The following ATXN7 variants were observed in gnomAD, a reference collection of about 807,000 sequenced individuals.
ATXN7 encodes the protein ataxin-7.
In ATXN7, 12 loss-of-function variants were observed where a neutral mutation model predicts 70.5. The ratio of observed to expected loss-of-function variants is 0.17; its 90% CI spans 0.11 to 0.28. ATXN7 has a LOEUF of 0.28. ATXN7 is among the 10% of genes least tolerant of loss of function. ATXN7 has a pLI of 1.00. For missense variants in ATXN7, 1,256 were observed against 1,131.7 expected (o/e 1.11, Z -1.58); for synonymous variants, 498 against 448.7 (o/e 1.11, Z -1.39).
chr3:63,870,828 T>C (rs1702570889), intron 1 of ATXN7, among the ~76,000 whole-genome samples: 1 of 152,168 alleles, frequency 6.6e-6, no homozygotes, highest in East Asian at 1.9e-4. Flanking sequence ...CTGCATGATA[T>C]GTTTGGCTTT....
chr3:63,971,672 T>C lies in ATXN7; in HGVS notation c.500-8243T>C, dbSNP rs574885131. ...TTTAATATTCGTGAGAAAAAATATA[T>C]ACATATATATATAAAAAACTCCTAC... On this transcript the variant is annotated intron_variant, in intron 5 of 12. Transcript: ENST00000674280. Among the ~76,000 whole-genome samples the C allele has an allele frequency of 5.3e-5, 8 of 152,260 alleles. No homozygotes were observed. In the South Asian group the frequency reaches 1.7e-3, roughly 32 times the overall value.
At chr3:63,991,789 A>G (rs1156403954) in intron 11 of ATXN7, among the ~76,000 whole-genome samples, 1 of 151,896 alleles carries the variant, frequency 6.6e-6, no homozygotes, top group Non-Finnish European at 1.5e-5. Context: ...GAAGAGTTCC[A>G]TGGCCAAAAA....
At chr3:63,913,084 G>T (rs1404429577) in intron 3 of ATXN7, 73 bp from the exon 4 acceptor site, 6 of 1,523,738 alleles carry the variant, frequency 3.9e-6, no homozygotes, top group East Asian at 2.3e-5. Context: ...TACCCCGTGC[G>T]TGCGTGAGTG....
chr3:63,929,025 A>C (rs1490499361), intron 4 of ATXN7, among the ~76,000 whole-genome samples: 2 of 152,184 alleles, frequency 1.3e-5, no homozygotes, highest in African/African-American at 4.8e-5. Context: ...TCTGTAGGGT[A>C]TATAGTTTGT....
intron 5 of ATXN7, among the ~76,000 whole-genome samples, chr3:63,961,704 T>A (rs559757420): frequency 7.2e-5 from 11 of 151,860 alleles, no homozygotes; most frequent in Admixed American, 2.0e-4. Flanking sequence ...CAGTTGGAAA[T>A]TTTTTTTAAA....
chr3:63,961,789 C>G (rs2075137035), intron 5 of ATXN7, among the ~76,000 whole-genome samples: 2 of 152,048 alleles, frequency 1.3e-5, no homozygotes, highest in African/African-American at 4.8e-5. Flanking sequence ...CAGTGTCACT[C>G]TTGACTTGCC....
intron 4 of ATXN7, among the ~76,000 whole-genome samples, chr3:63,914,836 CT>C (rs1445720436): frequency 6.6e-6 from 1 of 152,162 alleles, no homozygotes; most frequent in Non-Finnish European, 1.5e-5. Flanking sequence ...TGTTGGGATA[CT>C]TTTATCAGCA....
chr3:63,921,358 C>G (rs1448791909), intron 4 of ATXN7, among the ~76,000 whole-genome samples: 1 of 152,154 alleles, frequency 6.6e-6, no homozygotes, highest in African/African-American at 2.4e-5. Flanking sequence ...GGTCCCCAGG[C>G]TTTATATTTC....
At chr3:63,900,567 G>A (rs1703599206) in intron 2 of ATXN7, 1 of 152,296 alleles carries the variant, frequency 6.6e-6, no homozygotes, top group South Asian at 2.1e-4. Context: ...AGGTGCCAGA[G>A]AAGAGAGAAA....
chr3:63,982,397 C>A lies in ATXN7; in HGVS notation c.964C>A (p.Pro322Thr). 1.2e-6 allele frequency: 2 copies of A among 1,613,174 alleles called. No individual in the cohort carries two copies. Among genetic ancestry groups the A allele is most frequent in the South Asian group, 2.2e-5 (2 of 91,032 alleles). ...TGCACCGCCCACTCTGGAAAAGAAA[C>A]CTGAAGACAATTCCAATAATAGGAA... ...LPAPPTLEKK[P>T]EDNSNNRKFL... is the part of the protein sequence containing the mutation. Residue 322 changes from proline (P) to threonine (T), a missense_variant, in exon 7 of 13, where the codon CCT (proline) becomes ACT (threonine). Physicochemically the swap from Pro to Thr is conservative, Grantham distance 38. Coordinates refer to ENST00000674280, the MANE Select transcript of ATXN7 (RefSeq NM_001377405.1).
chr3:63,970,857 G>A (rs2075300672), intron 5 of ATXN7, among the ~76,000 whole-genome samples: 2 of 152,154 alleles, frequency 1.3e-5, no homozygotes, highest in South Asian at 2.1e-4. Flanking sequence ...CAGAGACGTG[G>A]AAATGCCAGG....
intron 4 of ATXN7, among the ~76,000 whole-genome samples, chr3:63,930,823 C>T (rs1214160351): frequency 6.6e-6 from 1 of 152,074 alleles, no homozygotes; most frequent in Non-Finnish European, 1.5e-5. Context: ...AGCCACCGCA[C>T]CCGGCAAGTT....
rs554414774 is a variant in ATXN7 at position 63,956,670 on chromosome 3, C to T, written c.499+4187C>T. 3.9e-5 allele frequency among the ~76,000 whole-genome samples: 6 copies of T among 152,174 alleles called. No homozygotes were observed. In the South Asian group the frequency reaches 1.2e-3, roughly 32 times the overall value. ...TCTGACACACTGGCTGGCTGGAATGCATTGCTTTCACAGATGCAGATACAG... is the reference window on the plus strand; with the variant it reads ...TCTGACACACTGGCTGGCTGGAATGTATTGCTTTCACAGATGCAGATACAG... On this transcript the variant is annotated intron_variant, in intron 5 of 12. Transcript: ENST00000674280.
rs554933942 is a variant in ATXN7, at chr3:63,988,493, A to G, written c.1361+169A>G. ...AAAAAAAGGAAAGGTTGAGTTCAGTAAGTTTCAACCAGGGCTCCTCTTGGT... is the reference window on the plus strand; with the variant it reads ...AAAAAAAGGAAAGGTTGAGTTCAGTGAGTTTCAACCAGGGCTCCTCTTGGT... On this transcript the variant is annotated intron_variant, in intron 9 of 12. Transcript: ENST00000674280. 2.5e-5 allele frequency: 23 copies of G among 922,960 alleles called. No individual in the cohort carries two copies. In the South Asian group the frequency reaches 3.9e-4, roughly 16 times the overall value. 57.2% of individuals were successfully genotyped at this position (922,960 alleles called of 1,614,324 possible). A position where few individuals can be genotyped will look rare whatever the true frequency, so the allele number is the denominator to read the frequency against.
At chr3:63,977,286 C>G (rs573590586) in intron 5 of ATXN7, among the ~76,000 whole-genome samples, 2 of 152,284 alleles carry the variant, frequency 1.3e-5, no homozygotes, top group African/African-American at 4.8e-5. Context: ...ATTCTCAAAA[C>G]AAGCTTCATA....
chr3:63,929,779 C>T (rs1267840190), intron 4 of ATXN7, among the ~76,000 whole-genome samples: 1 of 152,110 alleles, frequency 6.6e-6, no homozygotes, highest in East Asian at 1.9e-4. Context: ...TTTCTTTAGA[C>T]TTGGTCATGT....
intron 1 of ATXN7, among the ~76,000 whole-genome samples, chr3:63,876,474 A>G (rs572592334): frequency 1.3e-5 from 2 of 152,330 alleles, no homozygotes; most frequent in East Asian, 3.9e-4. Flanking sequence ...GTTCAAATTT[A>G]CTAGCTTCCT....
chr3:63,877,034 C>T (rs1292073396), intron 1 of ATXN7, among the ~76,000 whole-genome samples: 3 of 152,078 alleles, frequency 2.0e-5, no homozygotes. Context: ...TTCAATTTAG[C>T]ATTCTTGTTT....
chr3:63,927,667 G>T (rs762645027), intron 4 of ATXN7, among the ~76,000 whole-genome samples: 2 of 152,112 alleles, frequency 1.3e-5, no homozygotes. Flanking sequence ...CATCACCAGG[G>T]TTTTCTTTCC....
Sources: gnomAD v4.1 joint callset for allele counts (sites outside exome capture counted in the v4.1 genomes callset) on GRCh38, gnomAD v4.1.1 for gene constraint, MANE v1.5 for transcripts, NCBI Gene and HGNC (gene_info 2026-07-23, HGNC 2026-07-21) for gene names.